AK7: variants seen among roughly 807,000 people sequenced by gnomAD.
AK7 encodes adenylate kinase 7.
AK7 carries 78 observed loss-of-function variants against 96.6 expected under a neutral mutation model. The ratio of observed to expected loss-of-function variants is 0.81; its 90% CI spans 0.67 to 0.97. The LOEUF (loss-of-function observed/expected upper bound fraction) is 0.97. Among genes scored for constraint, AK7 ranks in the 50% least tolerant of loss-of-function variants. The pLI is 0.00. For synonymous variants in AK7, 302 were observed against 317.2 expected (o/e 0.95, Z 0.51); for missense variants, 855 against 887.9 (o/e 0.96, Z 0.47).
Position 96,483,000 on chromosome 14 carries a change from T to C in AK7, c.1755T>C (p.Asp585=), listed in dbSNP as rs768522354. 6.2e-7 allele frequency: 1 copy of C among 1,611,954 alleles called. No homozygotes were observed. Among genetic ancestry groups the C allele is most frequent in the South Asian group, 1.1e-5 (1 of 90,846 alleles). The change falls in exon 16 of 18, where the codon GAT becomes GAC. Residue 585 remains aspartate (D), a splice_region_variant and synonymous_variant. Coordinates refer to ENST00000267584, the MANE Select transcript of AK7 (RefSeq NM_152327.5). ...TGATCTCTCTCCTGGTATTTAAAGA[T>C]GTAGGAAAACTTGAAGATGCTCAGA... ...DELEIHPIHI[D]VGKLEDAQNR...
intron 1 of AK7, among the ~76,000 whole-genome samples, chr14:96,396,624 A>G (rs1053462144): frequency 2.0e-5 from 3 of 152,192 alleles, no homozygotes; most frequent in Non-Finnish European, 4.4e-5. Context: ...TGGTTTTATT[A>G]TATCTTTATT....
rs1043605813 is a variant in AK7 at position 96,399,629 on chromosome 14, C to T, written c.294+1366C>T. ...AACACTTCACAGGAGGTGCCCTGGC[C>T]GATGTCACCAGCAGTCCCCTGACTC... On this transcript the variant is annotated intron_variant, in intron 2 of 17. Transcript: ENST00000267584. The surrounding 1 kb of genome is among the most constrained non-coding windows in gnomAD (Gnocchi z 4.1). Among the ~76,000 whole-genome samples the T allele has an allele frequency of 6.6e-6, 1 of 152,170 alleles. No individual in the cohort carries two copies. The highest frequency in any genetic ancestry group is 1.5e-5 in the Non-Finnish European group (1 of 68,046).
chr14:96,392,182 C>G lies in AK7; in HGVS notation c.28C>G (p.Leu10Val), dbSNP rs754059777. The G allele has an allele frequency of 8.1e-6, 13 of 1,613,650 alleles. No homozygotes were observed. In the South Asian group the frequency reaches 1.1e-4, roughly 14 times the overall value. Residue 10 changes from leucine (L) to valine (V), a missense_variant, in exon 1 of 18, where the codon CTC becomes GTC. By Grantham distance (32) the Leu-to-Val change is conservative. Transcript: ENST00000267584. ...GGCTGAAGAAGAGGAAACTGCTGCT[C>G]TCACGGAGAAGGTTATCCGGACCCA... Reference protein sequence around the residue: MAEEEETAALTEKVIRTQRV... With the variant: MAEEEETAAVTEKVIRTQRV...
Position 96,488,559 on chromosome 14 carries a change from A to G in AK7, c.*216A>G, listed in dbSNP as rs1348726612. On this transcript the variant is annotated 3_prime_UTR_variant, in exon 18 of 18. Transcript: ENST00000267584. ...TAAATTGATAAAGACATTTGTGCAT[A>G]GCTCATGAGACAAATACTGATTTAA... 1.3e-5 allele frequency: 6 copies of G among 473,450 alleles called. No individual in the cohort carries two copies. The highest frequency in any genetic ancestry group is 2.3e-5 in the Non-Finnish European group (6 of 263,890). 29.3% of individuals were successfully genotyped at this position (473,450 alleles called of 1,614,324 possible). A position where few individuals can be genotyped will look rare whatever the true frequency, so the allele number is the denominator to read the frequency against.
chr14:96,404,862 T>C lies in AK7; in HGVS notation c.400T>C (p.Ser134Pro). ...AATGGAGGAAGCCATCTGGGCAGTC[T>C]CTGGTCAGTGAGGTGTACTCTTTTA... ...QQMEEAIWAV[S>P]ALSEEVSHFE... The change falls in exon 3 of 18, where the codon TCT becomes CCT. Residue 134 changes from serine to proline, a missense_variant. Coordinates refer to ENST00000267584, the MANE Select transcript of AK7 (RefSeq NM_152327.5). 2 of 1,604,938 alleles carry C rather than the reference T, an allele frequency of 1.2e-6. No individual in the cohort carries two copies. The highest frequency in any genetic ancestry group is 2.2e-5 in the South Asian group (2 of 90,440).
intron 5 of AK7, among the ~76,000 whole-genome samples, chr14:96,434,788 G>A (rs1892551288): frequency 6.6e-6 from 1 of 152,182 alleles, no homozygotes; most frequent in Admixed American, 6.5e-5. Context: ...TTGCGGCTGA[G>A]CTAGCACTCA....
At chr14:96,432,710 C>T (rs917335162) in intron 5 of AK7, among the ~76,000 whole-genome samples, 12 of 151,918 alleles carry the variant, frequency 7.9e-5, no homozygotes, top group Admixed American at 7.9e-4. Flanking sequence ...TGAGGCCAGG[C>T]GCGGTGGCTC....
chr14:96,471,810 A>G (rs956683390), intron 13 of AK7, among the ~76,000 whole-genome samples: 1 of 151,630 alleles, frequency 6.6e-6, no homozygotes, highest in African/African-American at 2.4e-5. Flanking sequence ...GCCTTTTACA[A>G]ATTTTTTAAA....
chr14:96,427,855 A>C (rs1169931624), intron 5 of AK7, among the ~76,000 whole-genome samples: 1 of 152,198 alleles, frequency 6.6e-6, no homozygotes, highest in Non-Finnish European at 1.5e-5. Context: ...TGCCAAAAAC[A>C]TATGGTTTTA....
At chr14:96,407,612 C>T (rs1256832302) in intron 3 of AK7, among the ~76,000 whole-genome samples, 1 of 132,806 alleles carries the variant, frequency 7.5e-6, no homozygotes, top group Non-Finnish European at 1.5e-5. Context: ...GACAGAGTCT[C>T]GCTCTGTTGC....
chr14:96,400,691 G>A (rs1199556507), intron 2 of AK7, among the ~76,000 whole-genome samples: 1 of 152,206 alleles, frequency 6.6e-6, no homozygotes, highest in Non-Finnish European at 1.5e-5. Flanking sequence ...GAGAAAGGAC[G>A]ATGGACATTG....
chr14:96,483,695 G>A (rs1224968969), intron 16 of AK7, among the ~76,000 whole-genome samples: 1 of 152,034 alleles, frequency 6.6e-6, no homozygotes, highest in Non-Finnish European at 1.5e-5. Context: ...CAAAGTGCTG[G>A]GATTATAGGC....
intron 7 of AK7, among the ~76,000 whole-genome samples, chr14:96,443,751 T>G (rs968354515): frequency 4.0e-5 from 6 of 149,508 alleles, no homozygotes; most frequent in African/African-American, 1.5e-4. Context: ...GCTGATGAGC[T>G]TTAAAAAAAA....
intron 3 of AK7, among the ~76,000 whole-genome samples, chr14:96,407,617 T>G (rs1262215932): frequency 6.9e-6 from 1 of 145,310 alleles, no homozygotes; most frequent in Non-Finnish European, 1.5e-5. Flanking sequence ...AGTCTCGCTC[T>G]GTTGCCTAGG....
At chr14:96,438,122 C>T (rs904973054) in intron 6 of AK7, among the ~76,000 whole-genome samples, 8 of 152,158 alleles carry the variant, frequency 5.3e-5, no homozygotes, top group Admixed American at 3.3e-4. Context: ...ATGAAAAAGA[C>T]GTATCTCCTT....
chr14:96,472,867 A>G (rs1438677093), intron 14 of AK7, 112 bp downstream of exon 14: 2 of 755,970 alleles, frequency 2.6e-6, no homozygotes, highest in Admixed American at 4.9e-5. Context: ...GGATCACCTG[A>G]GGTCAGGAGT....
In AK7 at chr14:96,456,466, A is replaced by G; in HGVS notation, c.1218A>G (p.Ile406Met). ...TGAAGGATGTCATTTCTGAAGCCAT[A>G]GCAAAACTGGTAACACTTTAAACTA... is the stretch of plus-strand genomic sequence containing the variant. ...IQLKDVISEA[I>M]AKLEAIVAPN... Residue 406 changes from isoleucine (I) to methionine (M), a missense_variant, in exon 11 of 18, where the codon ATA becomes ATG. Transcript: ENST00000267584. 1 of 1,613,576 alleles carries G rather than the reference A, an allele frequency of 6.2e-7. No homozygotes were observed. Among genetic ancestry groups the G allele is most frequent in the Non-Finnish European group, 8.5e-7 (1 of 1,179,698 alleles).
rs114724004 is a variant in AK7 at position 96,451,465 on chromosome 14, G to A, written c.993G>A (p.Ala331=). 91 of 1,596,360 alleles carry A rather than the reference G, an allele frequency of 5.7e-5. 1 individual carries two copies. In the East Asian group the frequency reaches 1.4e-3, roughly 25 times the overall value. ...TACTGGTCAACTTAAGAATGGAAGC[G>A]CTCTTTGTGAAGGAGAATTTTAATA... ...DHLLVNLRME[A]LFVKENFNIR... is the part of the protein sequence containing the mutation. The change falls in exon 10 of 18, where the codon GCG becomes GCA. Residue 331 remains alanine, a synonymous_variant. Coordinates refer to ENST00000267584, the MANE Select transcript of AK7 (RefSeq NM_152327.5).
chr14:96,432,615 A>T (rs1566780861), intron 5 of AK7, among the ~76,000 whole-genome samples: 1 of 152,032 alleles, frequency 6.6e-6, no homozygotes, highest in Non-Finnish European at 1.5e-5. Context: ...CTTGTCTGTA[A>T]AGGATTTTAT....
Sources: allele counts gnomAD v4.1 joint callset (sites outside exome capture counted in the v4.1 genomes callset), GRCh38; gene constraint gnomAD v4.1.1; non-coding constraint Gnocchi (gnomAD v3.1); transcripts MANE v1.5; gene names NCBI Gene and HGNC (gene_info 2026-07-23, HGNC 2026-07-21).